Variants in SPECC1L observed in about 807,000 individuals in gnomAD.
SPECC1L encodes the protein cytospin-A.
SPECC1L carries 40 observed loss-of-function variants against 116.8 expected under a neutral mutation model. That is an observed-to-expected ratio of 0.34 (90% CI 0.27 to 0.45). The LOEUF is 0.45. Among genes scored for constraint, SPECC1L ranks in the 20% least tolerant of loss-of-function variants. The pLI, the probability that SPECC1L is intolerant of heterozygous loss-of-function variation, is 1.00. For missense variants in SPECC1L, 1,110 were observed against 1,373.6 expected (o/e 0.81, Z 3.03); for synonymous variants, 504 against 500.6 (o/e 1.01, Z -0.09).
intron 11 of SPECC1L, among the ~76,000 whole-genome samples, chr22:24,355,972 C>T (rs758501103): frequency 1.3e-5 from 2 of 152,128 alleles, no homozygotes; most frequent in Non-Finnish European, 2.9e-5. Flanking sequence ...TTCCTTCATG[C>T]TGCCCCTTTG....
intron 14 of SPECC1L, among the ~76,000 whole-genome samples, chr22:24,378,396 G>A (rs2042007130): frequency 6.6e-6 from 1 of 152,202 alleles, no homozygotes; most frequent in Admixed American, 6.5e-5. Context: ...CAGCAATAAG[G>A]CTGTTTTGCT....
At chr22:24,328,659 A>G (rs1197775182) in intron 6 of SPECC1L, among the ~76,000 whole-genome samples, 187 bp from the exon 7 acceptor site, 1 of 152,344 alleles carries the variant, frequency 6.6e-6, no homozygotes, top group Non-Finnish European at 1.5e-5. Context: ...ATATTTTCCA[A>G]AGAAAGTAAT....
At chr22:24,408,145 G>A (rs2042627350) in intron 14 of SPECC1L, among the ~76,000 whole-genome samples, 1 of 152,114 alleles carries the variant, frequency 6.6e-6, no homozygotes, top group Non-Finnish European at 1.5e-5. Flanking sequence ...TCTGCCACCT[G>A]CCTAGCACTC....
intron 2 of SPECC1L, among the ~76,000 whole-genome samples, chr22:24,299,335 G>T (rs1478181577): frequency 6.6e-6 from 1 of 152,134 alleles, no homozygotes; most frequent in Non-Finnish European, 1.5e-5. Flanking sequence ...TATTCGGGAG[G>T]CTGAGGTGGC....
intron 11 of SPECC1L, among the ~76,000 whole-genome samples, chr22:24,354,609 T>C (rs1035135279): frequency 2.0e-5 from 3 of 152,066 alleles, no homozygotes; most frequent in African/African-American, 7.2e-5. Flanking sequence ...CCAGCCTATC[T>C]TGGTTTTTTT....
chr22:24,343,448 G>A lies in SPECC1L; in HGVS notation c.2653-3638G>A, dbSNP rs1401864507. ...CAAGTCAGAAGACAACAAAATGGTT[G>A]TGTTTTTTTTTTGTTTTGTTTTGTT... On this transcript the variant is annotated intron_variant, in intron 10 of 16. Transcript: ENST00000314328. 2.5e-5 allele frequency: 11 copies of A among 447,690 alleles called. No individual in the cohort carries two copies. In the East Asian group the frequency reaches 6.5e-4, roughly 26 times the overall value. 27.7% of individuals were successfully genotyped at this position (447,690 alleles called of 1,614,324 possible). A position where few individuals can be genotyped will look rare whatever the true frequency, so the allele number is the denominator to read the frequency against.
At position 24,324,325 on chromosome 22, in the gene SPECC1L, G is replaced by C; in HGVS notation, c.2044G>C (p.Glu682Gln). ...ATCAGACCTGGATGAAAAAGAAACA[G>C]AAAGGAGTGACATGAAAGAAACCAT... ...LRSDLDEKET[E>Q]RSDMKETIFE... The change falls in exon 6 of 17, where the codon GAA becomes CAA. Residue 682 changes from glutamate (E) to glutamine (Q), a missense_variant. Transcript: ENST00000314328. 6.2e-7 allele frequency: 1 copy of C among 1,614,074 alleles called. No homozygotes were observed. Among genetic ancestry groups the C allele is most frequent in the Non-Finnish European group, 8.5e-7 (1 of 1,179,938 alleles).
chr22:24,302,081 A>T, intron 2 of SPECC1L, 114 bp from the exon 3 acceptor site: 3 of 805,484 alleles, frequency 3.7e-6, no homozygotes, highest in Non-Finnish European at 6.0e-6. Flanking sequence ...ACTTTTCTGT[A>T]GTGACATCTA....
intron 14 of SPECC1L, among the ~76,000 whole-genome samples, chr22:24,403,047 G>A (rs2042510877): frequency 6.6e-6 from 1 of 152,186 alleles, no homozygotes; most frequent in Non-Finnish European, 1.5e-5. Flanking sequence ...GGAGGGGTGA[G>A]GCTGTCAGGA....
intron 2 of SPECC1L, among the ~76,000 whole-genome samples, chr22:24,288,521 T>A (rs956091831): frequency 3.3e-5 from 5 of 151,848 alleles, no homozygotes; most frequent in Non-Finnish European, 7.4e-5. Context: ...GTGAAATGCT[T>A]GTTGAAAAAA....
In SPECC1L at chr22:24,324,344, A is replaced by G; in HGVS notation, c.2063A>G (p.Glu688Gly). The G allele has an allele frequency of 6.2e-7, 1 of 1,614,202 alleles. No individual in the cohort carries two copies. Among genetic ancestry groups the G allele is most frequent in the Admixed American group, 1.7e-5 (1 of 60,032 alleles). ...EKETERSDMK[E>G]TIFELEDEVE... is the part of the protein sequence containing the mutation. ...GAAACAGAAAGGAGTGACATGAAAGAAACCATCTTTGAACTTGAAGATGAA... is the reference window on the plus strand; with the variant it reads ...GAAACAGAAAGGAGTGACATGAAAGGAACCATCTTTGAACTTGAAGATGAA... The change falls in exon 6 of 17, where the codon GAA (glutamate) becomes GGA (glycine). Residue 688 changes from glutamate (E) to glycine (G), a missense_variant. By Grantham distance (98) the Glu-to-Gly change is moderately conservative. This residue lies in a region of SPECC1L where 575 missense variants were observed against 682.4 expected (regional missense o/e 0.84). Transcript: ENST00000314328.
At chr22:24,320,566 C>T (rs1260767088) in intron 4 of SPECC1L, among the ~76,000 whole-genome samples, 3 of 152,144 alleles carry the variant, frequency 2.0e-5, no homozygotes, top group South Asian at 2.1e-4. Context: ...AATTATTTAA[C>T]ATCTGTGTCT....
At chr22:24,284,891 T>A (rs755054880) in intron 2 of SPECC1L, among the ~76,000 whole-genome samples, 11 of 152,170 alleles carry the variant, frequency 7.2e-5, no homozygotes, top group Non-Finnish European at 1.5e-4. Flanking sequence ...GTGGAGTGAC[T>A]CATGCAGAGT....
At chr22:24,273,973 G>A (rs1454548017) in intron 1 of SPECC1L, among the ~76,000 whole-genome samples, 2 of 152,158 alleles carry the variant, frequency 1.3e-5, no homozygotes, top group Admixed American at 1.3e-4. Context: ...GGTCAGGCTG[G>A]TCTGGAACTC....
rs2042507444 is a variant in SPECC1L, at chr22:24,402,888, T to C, written c.3088-8700T>C. Among the ~76,000 whole-genome samples, 4 of 152,350 alleles carry C rather than the reference T, an allele frequency of 2.6e-5. No homozygotes were observed. In the South Asian group the frequency reaches 6.2e-4, roughly 24 times the overall value. On this transcript the variant is annotated intron_variant, in intron 14 of 16. Transcript: ENST00000314328. ...ACATTTAGAGATCTTTTATGACATA[T>C]TTTTAATCTTTTTTGTGGAGATTTG...
chr22:24,318,168 G>A lies in SPECC1L; in HGVS notation c.308-3120G>A, dbSNP rs181042915. 2.9e-3 allele frequency among the ~76,000 whole-genome samples: 437 copies of A among 152,320 alleles called. 2 individuals carry two copies. The highest frequency in any genetic ancestry group is 0.01 in the African/African-American group (419 of 41,562). Reference sequence around the variant, plus strand: ...TCGGCACTTTGGGAGGCCAAGGCAGGCTGCTGGGAGGTGGATGTTGTAGCA... The same window carrying A: ...TCGGCACTTTGGGAGGCCAAGGCAGACTGCTGGGAGGTGGATGTTGTAGCA... On this transcript the variant is annotated intron_variant, in intron 4 of 16. Coordinates refer to ENST00000314328, the MANE Select transcript of SPECC1L (RefSeq NM_015330.6).
chr22:24,295,223 T>A (rs2049235852), intron 2 of SPECC1L, among the ~76,000 whole-genome samples: 1 of 151,316 alleles, frequency 6.6e-6, no homozygotes, highest in Non-Finnish European at 1.5e-5. Flanking sequence ...ATGAGAGTGG[T>A]TTGTGTCTTC....
intron 9 of SPECC1L, among the ~76,000 whole-genome samples, chr22:24,338,153 G>A (rs2041100617): frequency 6.6e-6 from 1 of 152,072 alleles, no homozygotes; most frequent in Non-Finnish European, 1.5e-5. Context: ...CCATAACAAG[G>A]GTTAGAAATA....
intron 14 of SPECC1L, among the ~76,000 whole-genome samples, chr22:24,402,524 C>G (rs2042499669): frequency 1.3e-5 from 2 of 152,208 alleles, no homozygotes; most frequent in South Asian, 4.1e-4. Flanking sequence ...CTCACTCTTA[C>G]CTCATGAGGC....
Sources: gnomAD v4.1 joint callset for allele counts (sites outside exome capture counted in the v4.1 genomes callset) on GRCh38, gnomAD v4.1.1 for gene constraint, gnomAD v4.1.1 regional missense constraint, MANE v1.5 for transcripts, NCBI Gene and HGNC (gene_info 2026-07-23, HGNC 2026-07-21) for gene names.